The following PTPN3 variants were observed in gnomAD, a reference collection of about 807,000 sequenced individuals.
PTPN3 encodes tyrosine-protein phosphatase non-receptor type 3.
A neutral mutation model predicts 132.7 loss-of-function variants in PTPN3; 96 were observed. The observed-to-expected ratio is 0.72, with a 90% CI of 0.61 to 0.86. The LOEUF (loss-of-function observed/expected upper bound fraction) is 0.86, where lower values mean the gene tolerates loss of function less well. PTPN3 is among the 40% of genes least tolerant of loss of function. PTPN3 has a pLI of 0.00. For synonymous variants in PTPN3, 398 were observed against 429.0 expected, an observed-to-expected ratio of 0.93 and a Z score of 0.89; for missense variants, 1,125 against 1,159.6, an observed-to-expected ratio of 0.97 and a Z score of 0.43.
At chr9:109,476,495 C>G (rs972613352) in intron 1 of PTPN3, among the ~76,000 whole-genome samples, 5 of 152,154 alleles carry the variant, frequency 3.3e-5, no homozygotes, top group African/African-American at 9.7e-5. Context: ...TGTACTGAGG[C>G]CTTCCACATG....
chr9:109,473,830 C>T (rs1267210369), intron 1 of PTPN3, among the ~76,000 whole-genome samples: 2 of 152,148 alleles, frequency 1.3e-5, no homozygotes, highest in Non-Finnish European at 2.9e-5. Flanking sequence ...TCCAGACACT[C>T]CCTTCCACAG....
the PTPN3 span, among the ~76,000 whole-genome samples, chr9:109,528,161 T>C: frequency 2.0e-5 from 3 of 152,194 alleles, no homozygotes; most frequent in East Asian, 5.8e-4. Flanking sequence ...TACAGTCATT[T>C]TGGTCAATTA....
chr9:109,460,601 G>C (rs887558865), intron 2 of PTPN3, among the ~76,000 whole-genome samples: 1 of 152,070 alleles, frequency 6.6e-6, no homozygotes, highest in Admixed American at 6.5e-5. Flanking sequence ...CCAGCCTCAG[G>C]GCCTTTGCAC....
At chr9:109,450,469 T>C (rs1564454160) in intron 5 of PTPN3, 63 of 983,518 alleles carry the variant, frequency 6.4e-5, no homozygotes, top group Non-Finnish European at 7.6e-5. Context: ...CCTAGGGATA[T>C]AAATGAGAAG....
chr9:109,508,218 C>T, the PTPN3 span, among the ~76,000 whole-genome samples: 8 of 150,886 alleles, frequency 5.3e-5, no homozygotes, highest in South Asian at 1.0e-3. Context: ...TGGAGTGCAG[C>T]GGCGCGATCT....
chr9:109,485,663 T>C (rs1387668465), intron 1 of PTPN3, among the ~76,000 whole-genome samples: 1 of 152,188 alleles, frequency 6.6e-6, no homozygotes, highest in Non-Finnish European at 1.5e-5. Context: ...GACGGAATCA[T>C]CAGTTTCCAC....
intron 19 of PTPN3, among the ~76,000 whole-genome samples, chr9:109,393,815 T>A (rs1450450408): frequency 6.6e-6 from 1 of 152,218 alleles, no homozygotes; most frequent in East Asian, 1.9e-4. Context: ...TTGTATTGTT[T>A]TGTAAACTGG....
rs200407136 is a variant in PTPN3 at position 109,463,389 on chromosome 9, G to A, written c.46C>T (p.Arg16Cys). 139 of 1,612,656 alleles carry A rather than the reference G, an allele frequency of 8.6e-5. No individual in the cohort carries two copies. The highest frequency in any genetic ancestry group is 1.1e-4 in the Non-Finnish European group (128 of 1,179,682). ...TTCTCTTTGGGTAACTCCGAGGTGC[G>A]TATATTATTAATTCTTCCACCCAAC... ...RALGGRINNIRTSELPKEKTR... is the reference protein window; with the variant it reads ...RALGGRINNICTSELPKEKTR... Residue 16 changes from arginine to cysteine, a missense_variant, in exon 2 of 26, where the codon CGC becomes TGC. Physicochemically the swap from Arg to Cys is radical, Grantham distance 180. Coordinates refer to ENST00000374541, the MANE Select transcript of PTPN3 (RefSeq NM_002829.4).
intron 10 of PTPN3, among the ~76,000 whole-genome samples, chr9:109,432,371 C>G (rs1843722408): frequency 6.6e-6 from 1 of 152,130 alleles, no homozygotes; most frequent in Non-Finnish European, 1.5e-5. Context: ...CCCCGTTTGT[C>G]CTTTTCCATC....
intron 11 of PTPN3, 86 bp downstream of exon 11, chr9:109,428,535 C>A: frequency 7.1e-7 from 1 of 1,404,358 alleles, no homozygotes; most frequent in South Asian, 1.3e-5. Flanking sequence ...CCCCTGAGCT[C>A]AGTTTGGGCA....
chr9:109,464,422 G>T (rs780973817), intron 1 of PTPN3, among the ~76,000 whole-genome samples: 10 of 152,176 alleles, frequency 6.6e-5, no homozygotes, highest in Non-Finnish European at 1.2e-4. Flanking sequence ...TGTGGGAGGA[G>T]GGTGAGGATT....
In PTPN3 at chr9:109,376,324, G is replaced by T. The variant is rs1283538770; in HGVS notation, c.*3232C>A. On this transcript the variant is annotated 3_prime_UTR_variant, in exon 26 of 26. Coordinates refer to ENST00000374541, the MANE Select transcript of PTPN3 (RefSeq NM_002829.4). ...TTTGTTGCCTCTGGAGGATGAAGAGGGCTTTTTCGCTTGCCCTCAAATGCT... is the reference window on the plus strand; with the variant it reads ...TTTGTTGCCTCTGGAGGATGAAGAGTGCTTTTTCGCTTGCCCTCAAATGCT... 1 of 152,006 alleles carries T rather than the reference G, an allele frequency of 6.6e-6. No individual in the cohort carries two copies. The highest frequency in any genetic ancestry group is 6.6e-5 in the Admixed American group (1 of 15,254). The allele number at this position is 152,006 out of a possible 1,614,324, so 9.4% of individuals were successfully genotyped here.
At chr9:109,425,066 T>C (rs1400204626) in intron 12 of PTPN3, among the ~76,000 whole-genome samples, 1 of 152,202 alleles carries the variant, frequency 6.6e-6, no homozygotes, top group African/African-American at 2.4e-5. Flanking sequence ...GTCAATGATA[T>C]AATCCAGTAA....
At chr9:109,401,369 G>A (rs1230508076) in intron 19 of PTPN3, among the ~76,000 whole-genome samples, 10 of 152,304 alleles carry the variant, frequency 6.6e-5, no homozygotes, top group East Asian at 5.8e-4. Context: ...AGCTGTGGGC[G>A]GGGCCTTGAT....
chr9:109,421,392 C>A (rs1375804743), intron 13 of PTPN3, among the ~76,000 whole-genome samples: 1 of 152,228 alleles, frequency 6.6e-6, no homozygotes, highest in Non-Finnish European at 1.5e-5. Context: ...TTAGCCATTT[C>A]TCCTCAGGAC....
At chr9:109,389,145 C>A (rs920020930) in intron 22 of PTPN3, 88 bp downstream of exon 22, 1 of 1,516,920 alleles carries the variant, frequency 6.6e-7, no homozygotes, top group Non-Finnish European at 8.9e-7. Context: ...CCAGGAGACG[C>A]TGAAGACCCT....
At chr9:109,474,652 C>T (rs1323173677) in intron 1 of PTPN3, among the ~76,000 whole-genome samples, 1 of 152,188 alleles carries the variant, frequency 6.6e-6, no homozygotes. Context: ...GGTATGGGAA[C>T]TCCACAGAAA....
intron 5 of PTPN3, chr9:109,450,361 A>G (rs1247194031): frequency 3.0e-6 from 3 of 984,858 alleles, no homozygotes; most frequent in Non-Finnish European, 3.6e-6. Context: ...CTCTCCTCCT[A>G]CAATGCTACT....
chr9:109,446,021 C>T (rs1441705461), intron 6 of PTPN3, among the ~76,000 whole-genome samples: 2 of 152,192 alleles, frequency 1.3e-5, no homozygotes, highest in African/African-American at 2.4e-5. Context: ...GTCTTAGGCA[C>T]ATTTTGAATC....
Sources: gnomAD v4.1 joint callset for allele counts (sites outside exome capture counted in the v4.1 genomes callset) on GRCh38, gnomAD v4.1.1 for gene constraint, MANE v1.5 for transcripts, NCBI Gene and HGNC (gene_info 2026-07-23, HGNC 2026-07-21) for gene names.